TBL1X: variants seen among roughly 807,000 people sequenced by gnomAD.
TBL1X encodes the protein transducin beta like 1 X-linked.
In TBL1X, 10 loss-of-function variants were observed where a neutral mutation model predicts 50.7. That is an observed-to-expected ratio of 0.20 (90% CI 0.12 to 0.33). TBL1X has a LOEUF of 0.33. Ranked by LOEUF, TBL1X falls within the 10% of genes least tolerant of loss-of-function variation. The probability of loss-of-function intolerance (pLI) is 1.00; values close to 1 mark genes in which losing one functional copy is unlikely to be tolerated. For synonymous variants in TBL1X, 190 were observed against 214.7 expected (o/e 0.88, Z 1.01); for missense variants, 340 against 504.4 (o/e 0.67, Z 3.12).
chrX:9,533,666 G>A (rs768335142), intron 2 of TBL1X, among the ~76,000 whole-genome samples: 15 of 111,108 alleles, frequency 1.4e-4, no homozygotes, highest in Admixed American at 6.7e-4. Flanking sequence ...GTAAAGAAAG[G>A]CACAGTGATG....
intron 2 of TBL1X, among the ~76,000 whole-genome samples, chrX:9,590,629 G>T (rs1306902067): frequency 8.9e-6 from 1 of 112,307 alleles, no homozygotes; most frequent in Non-Finnish European, 1.9e-5. Context: ...TAGGAAATTT[G>T]TGGTGCTCCT....
intron 2 of TBL1X, among the ~76,000 whole-genome samples, chrX:9,625,210 T>C (rs2082686479): frequency 8.9e-6 from 1 of 112,690 alleles, no homozygotes; most frequent in Admixed American, 9.4e-5. Context: ...CTTGCTTTCA[T>C]GTTTGCTTTT....
intron 2 of TBL1X, among the ~76,000 whole-genome samples, chrX:9,547,529 A>G (rs1444967932): frequency 1.8e-5 from 2 of 110,717 alleles, no homozygotes; most frequent in Non-Finnish European, 3.8e-5. Context: ...CATGTTGGCC[A>G]GGCTGGTCTC....
intron 2 of TBL1X, among the ~76,000 whole-genome samples, chrX:9,509,186 A>G (rs1283596534): frequency 3.7e-5 from 4 of 107,057 alleles, no homozygotes; most frequent in Non-Finnish European, 5.8e-5. Flanking sequence ...AGGAGATCGA[A>G]ATCATCCTGG....
chrX:9,682,181 GT>G (rs1354372599), intron 5 of TBL1X, among the ~76,000 whole-genome samples: 2 of 112,236 alleles, frequency 1.8e-5, no homozygotes, highest in Non-Finnish European at 3.8e-5. Context: ...CCAAGGGTGG[GT>G]TGCTTCATTT....
intron 2 of TBL1X, among the ~76,000 whole-genome samples, chrX:9,551,052 T>C (rs1472865994): frequency 9.0e-6 from 1 of 111,198 alleles, no homozygotes; most frequent in Non-Finnish European, 1.9e-5. Flanking sequence ...AGCTTTACTT[T>C]ATGGGTTTTT....
intron 2 of TBL1X, among the ~76,000 whole-genome samples, chrX:9,601,035 G>A (rs1196538934): frequency 3.6e-5 from 4 of 112,116 alleles, no homozygotes; most frequent in Admixed American, 1.9e-4. Context: ...AGAGGATGAT[G>A]AAATAAATCA....
At chrX:9,623,490 C>T (rs1032034403) in intron 2 of TBL1X, among the ~76,000 whole-genome samples, 2 of 110,744 alleles carry the variant, frequency 1.8e-5, no homozygotes, top group Admixed American at 9.6e-5. Flanking sequence ...AGTTCGAGAC[C>T]GGCCTAGGCA....
rs1223437120 is a variant in TBL1X, at chrX:9,688,008, C to T, written c.358-9C>T. 3 of 1,196,917 alleles carry T rather than the reference C, an allele frequency of 2.5e-6. No homozygotes were observed. In the African/African-American group the frequency reaches 5.3e-5, roughly 21 times the overall value. Reference sequence around the variant, plus strand: ...GAGCTGACAGCTGTACCTTGGCTTGCTTCCCCAGGATGGCACAGTGTTCGA... The same window carrying T: ...GAGCTGACAGCTGTACCTTGGCTTGTTTCCCCAGGATGGCACAGTGTTCGA... On this transcript the variant is annotated splice_polypyrimidine_tract_variant and intron_variant, in intron 6 of 17. Transcript: ENST00000645353.
Position 9,717,499 on chromosome X carries a change from G to T in TBL1X, c.*1253G>T, listed in dbSNP as rs1335552517. On this transcript the variant is annotated 3_prime_UTR_variant, in exon 18 of 18. Coordinates refer to ENST00000645353, the MANE Select transcript of TBL1X (RefSeq NM_005647.4). Reference sequence around the variant, plus strand: ...CAGTGAGGGAGGTCCCCGCCATGCCGGCTGGAAGAAGAACCTCGCATCTTT... The same window carrying T: ...CAGTGAGGGAGGTCCCCGCCATGCCTGCTGGAAGAAGAACCTCGCATCTTT... 1.8e-5 allele frequency: 2 copies of T among 112,386 alleles called. No homozygotes were observed. Among genetic ancestry groups the T allele is most frequent in the African/African-American group, 6.5e-5 (2 of 30,926 alleles). The allele number at this position is 112,386 out of a possible 1,213,427, so 9.3% of individuals were successfully genotyped here.
At chrX:9,640,755 C>T (rs532414139) in intron 3 of TBL1X, among the ~76,000 whole-genome samples, 1 of 111,581 alleles carries the variant, frequency 9.0e-6, no homozygotes, top group African/African-American at 3.3e-5. Flanking sequence ...CTCAGCCTCT[C>T]AAGTAGCTGG....
At chrX:9,506,294 C>G (rs772416949) in intron 2 of TBL1X, among the ~76,000 whole-genome samples, 128 of 111,439 alleles carry the variant, frequency 1.1e-3, no homozygotes, top group Middle Eastern at 4.6e-3. Flanking sequence ...TGGGACACAG[C>G]TAAAGCAGTG....
intron 2 of TBL1X, among the ~76,000 whole-genome samples, chrX:9,564,682 A>G (rs182484355): frequency 0.017 from 1,848 of 109,434 alleles, 45 homozygotes; most frequent in African/African-American, 0.059. Context: ...GCCGTGAGCC[A>G]AGATCGCGCC....
intron 1 of TBL1X, among the ~76,000 whole-genome samples, chrX:9,475,414 T>C (rs187176466): frequency 9.1e-6 from 1 of 110,109 alleles, no homozygotes; most frequent in East Asian, 2.9e-4. Context: ...CCTGGCTAAT[T>C]GTTTTATTTT....
intron 2 of TBL1X, among the ~76,000 whole-genome samples, chrX:9,536,391 C>T: frequency 9.1e-6 from 1 of 109,813 alleles, no homozygotes; most frequent in South Asian, 4.0e-4. Context: ...GCTGGGACTA[C>T]AGGCATGCAC....
Position 9,648,373 on chromosome X carries a change from T to C in TBL1X, c.-42-5172T>C, listed in dbSNP as rs185359485. On this transcript the variant is annotated intron_variant, in intron 3 of 17. Coordinates refer to ENST00000645353, the MANE Select transcript of TBL1X (RefSeq NM_005647.4). ...TGGCACAGAAGACAAAGGCGGACTT[T>C]TTCCCACAGAATACATAGCTGTCGA... Among the ~76,000 whole-genome samples, 282 of 112,490 alleles carry C rather than the reference T, an allele frequency of 2.5e-3. 2 individuals carry two copies. The highest frequency in any genetic ancestry group is 8.7e-3 in the African/African-American group (270 of 30,969).
chrX:9,609,374 T>TGTGC, intron 2 of TBL1X, among the ~76,000 whole-genome samples: 1 of 105,732 alleles, frequency 9.5e-6, no homozygotes, highest in Admixed American at 1.0e-4. Flanking sequence ...TGTGTGTGTG[T>TGTGC]TGCCCCAGCA....
chrX:9,592,960 T>TA (rs756880372), intron 2 of TBL1X, among the ~76,000 whole-genome samples: 36,799 of 110,349 alleles, frequency 0.33, 4,628 homozygotes, highest in East Asian at 0.67. Context: ...TCATGGGAAA[T>TA]ATATTTCTTC....
Position 9,692,209 on chromosome X carries a change from C to T in TBL1X, c.846C>T (p.Gly282=), listed in dbSNP as rs2146638422. The change falls in exon 9 of 18, where the codon GGC becomes GGT. Residue 282 remains glycine, a synonymous_variant. Transcript: ENST00000645353. The part of the protein sequence containing the change: ...LVLRHCIREG[G]HDVPSNKDVT... ...TGAGGCACTGTATACGAGAGGGGGG[C>T]CATGACGTCCCGAGTAACAAAGACG... 5.0e-6 allele frequency: 6 copies of T among 1,201,641 alleles called. No homozygotes were observed. The South Asian group carries it at 5.5e-5, about 11-fold the overall frequency.
Sources: allele counts gnomAD v4.1 joint callset (sites outside exome capture counted in the v4.1 genomes callset), GRCh38; gene constraint gnomAD v4.1.1; transcripts MANE v1.5; gene names NCBI Gene and HGNC (gene_info 2026-07-23, HGNC 2026-07-21).